The following METAP2 variants were observed in gnomAD, a reference collection of about 807,000 sequenced individuals.
METAP2 encodes the protein methionine aminopeptidase 2.
Under a neutral mutation model 59.4 loss-of-function variants are expected in METAP2, and 25 were observed. The observed-to-expected ratio is 0.42, with a 90% confidence interval of 0.31 to 0.59. The LOEUF (loss-of-function observed/expected upper bound fraction) is 0.59, where lower values mean the gene tolerates loss of function less well. Among genes scored for constraint, METAP2 ranks in the 20% least tolerant of loss-of-function variants. The pLI, the probability that METAP2 is intolerant of heterozygous loss-of-function variation, is 0.16. For missense variants in METAP2, 366 were observed against 581.2 expected (o/e 0.63, Z 3.81); for synonymous variants, 214 against 194.1 (o/e 1.10, Z -0.85).
At chr12:95,506,551 G>A (rs1484821736) in intron 8 of METAP2, among the ~76,000 whole-genome samples, 3 of 151,602 alleles carry the variant, frequency 2.0e-5, no homozygotes, top group African/African-American at 4.8e-5. Flanking sequence ...CGCCCGCCTC[G>A]GCTTCCCACA....
At chr12:95,484,995 T>G (rs1163575726) in intron 3 of METAP2, 1 of 411,522 alleles carries the variant, frequency 2.4e-6, no homozygotes, top group Non-Finnish European at 4.7e-6. Context: ...AATAATATAA[T>G]CATGGGCAGT....
intron 7 of METAP2, among the ~76,000 whole-genome samples, chr12:95,499,955 C>T (rs958388226): frequency 6.6e-6 from 1 of 152,156 alleles, no homozygotes; most frequent in African/African-American, 2.4e-5. Flanking sequence ...CATGGGGGAA[C>T]CACCCCCATG....
At chr12:95,497,104 C>G (rs1255186481) in intron 7 of METAP2, among the ~76,000 whole-genome samples, 1 of 152,080 alleles carries the variant, frequency 6.6e-6, no homozygotes, top group East Asian at 1.9e-4. Flanking sequence ...GGATTACAGG[C>G]GTGATTCACC....
At chr12:95,494,696 T>C (rs1157824204) in intron 5 of METAP2, among the ~76,000 whole-genome samples, 5 of 152,228 alleles carry the variant, frequency 3.3e-5, no homozygotes, top group African/African-American at 1.2e-4. Flanking sequence ...AGTTAGACTC[T>C]TATTTTCTAG....
rs200768781 is a variant in METAP2, at chr12:95,495,156, A to C, written c.772+18A>C. The C allele has an allele frequency of 1.3e-6, 2 of 1,583,684 alleles. No individual in the cohort carries two copies. The highest frequency in any genetic ancestry group is 1.1e-5 in the South Asian group (1 of 87,084). ...TATAAGTGGTAAATTCTTGCAGAAA[A>C]TTCCTACCCCAGCCTCCTCCTGAAA... On this transcript the variant is annotated intron_variant, in intron 6 of 10. Transcript: ENST00000323666.
In METAP2 at chr12:95,474,333, A is replaced by G; in HGVS notation, c.151+3A>G. The G allele has an allele frequency of 6.2e-7, 1 of 1,613,624 alleles. No homozygotes were observed. The highest frequency in any genetic ancestry group is 1.3e-5 in the African/African-American group (1 of 74,948). ...GAAGAGCAAAGGGCCTTCTGCAGGT[A>G]AAGAGAGTTTTATGTTTTCCCAGTC... is the stretch of plus-strand genomic sequence containing the variant. On this transcript the variant is annotated splice_donor_region_variant and intron_variant, in intron 1 of 10. Coordinates refer to ENST00000323666, the MANE Select transcript of METAP2 (RefSeq NM_006838.4).
chr12:95,500,150 A>AT, intron 7 of METAP2, among the ~76,000 whole-genome samples: 1 of 149,260 alleles, frequency 6.7e-6, no homozygotes. Flanking sequence ...TTAATTCCTA[A>AT]GTTTTTTTTT....
At chr12:95,493,073 G>T (rs566750354) in intron 4 of METAP2, among the ~76,000 whole-genome samples, 1 of 152,190 alleles carries the variant, frequency 6.6e-6, no homozygotes, top group African/African-American at 2.4e-5. Flanking sequence ...TGTATATTCA[G>T]TATTTAAGAA....
Position 95,494,976 on chromosome 12 carries a change from T to G in METAP2, c.610T>G (p.Ser204Ala), listed in dbSNP as rs1565780646. 1 of 1,613,260 alleles carries G rather than the reference T, an allele frequency of 6.2e-7. No homozygotes were observed. Among genetic ancestry groups the G allele is most frequent in the East Asian group, 2.2e-5 (1 of 44,860 alleles). The change falls in exon 6 of 11, where the codon TCA (serine) becomes GCA (alanine). Residue 204 changes from serine to alanine, a missense_variant. Physicochemically the swap from Ser to Ala is moderately conservative, Grantham distance 99. Transcript: ENST00000323666. ...IEICEKLEDC[S>A]RKLIKENGLN... ...TTTTAGTGAAAAGTTGGAAGACTGT[T>G]CACGCAAGTTAATAAAAGAGAATGG...
At chr12:95,475,260 G>A (rs2076109601) in intron 1 of METAP2, among the ~76,000 whole-genome samples, 1 of 152,236 alleles carries the variant, frequency 6.6e-6, no homozygotes, top group Non-Finnish European at 1.5e-5. Context: ...AGAGGTCGAA[G>A]AGAGCTAATC....
In METAP2 at chr12:95,496,747, A is replaced by AT. The variant is rs1027891469; in HGVS notation, c.867+663dup. ...GCCCAGCTTTTCCCCACCCACTCAA[A>AT]TTTTTTTTTTTTTTGGAGGGAGGTG... On this transcript the variant is annotated intron_variant, in intron 7 of 10. Transcript: ENST00000323666. Among the ~76,000 whole-genome samples, 616 of 135,332 alleles carry AT rather than the reference A, an allele frequency of 4.6e-3. 1 individual carries two copies. The highest frequency in any genetic ancestry group is 0.013 in the African/African-American group (464 of 36,616). 88.8% of individuals were successfully genotyped at this position (135,332 alleles called of 152,430 possible).
intron 8 of METAP2, among the ~76,000 whole-genome samples, chr12:95,509,304 G>C (rs988905212): frequency 6.6e-6 from 1 of 152,158 alleles, no homozygotes; most frequent in Non-Finnish European, 1.5e-5. Flanking sequence ...ACAAACAGAG[G>C]CTCTCTAAAA....
intron 2 of METAP2, among the ~76,000 whole-genome samples, chr12:95,480,488 TGGTTGAGAGTTTCA>T (rs1347542567): frequency 1.3e-5 from 2 of 152,204 alleles, no homozygotes; most frequent in East Asian, 3.8e-4. Flanking sequence ...CTCTTAGCAA[TGGTTGAGAGTTTCA>T]GGTTGTTCGT....
rs1381081407 is a variant in METAP2 at position 95,507,777 on chromosome 12, A to ATT, written c.964+3631_964+3632dup. On this transcript the variant is annotated intron_variant, in intron 8 of 10. Transcript: ENST00000323666. ...TAGATAACCTTCCATGATTCTCATG[A>ATT]TTTTTTTTTTTTTTTTGAGAGAGAC... is the stretch of plus-strand genomic sequence containing the variant. 9.6e-3 allele frequency among the ~76,000 whole-genome samples: 1,357 copies of ATT among 140,648 alleles called. 27 individuals carry two copies. Among genetic ancestry groups the ATT allele is most frequent in the African/African-American group, 0.032 (1,219 of 38,124 alleles). The allele number at this position is 140,648 out of a possible 152,430, so 92.3% of individuals were successfully genotyped here.
intron 2 of METAP2, among the ~76,000 whole-genome samples, chr12:95,482,722 G>A (rs1396456832): frequency 2.0e-5 from 3 of 152,260 alleles, no homozygotes; most frequent in Admixed American, 6.5e-5. Flanking sequence ...AACCTGGGAG[G>A]CGGAGGTTGC....
intron 1 of METAP2, among the ~76,000 whole-genome samples, chr12:95,475,712 ATCT>A (rs1214848517): frequency 4.6e-5 from 7 of 152,166 alleles, no homozygotes; most frequent in African/African-American, 1.4e-4. Flanking sequence ...TTGCACATGA[ATCT>A]TTTTCCTAAG....
intron 8 of METAP2, among the ~76,000 whole-genome samples, chr12:95,508,529 C>T (rs987876586): frequency 6.6e-6 from 1 of 152,208 alleles, no homozygotes; most frequent in Admixed American, 6.5e-5. Context: ...CTTATGTCAA[C>T]TTGGAGTACA....
intron 4 of METAP2, 150 bp from the exon 5 acceptor site, chr12:95,493,906 T>C (rs2076257564): frequency 1.6e-6 from 1 of 613,892 alleles, no homozygotes; most frequent in African/African-American, 1.9e-5. Context: ...GTTGCAAGTG[T>C]TTGGCTTTTT....
chr12:95,487,540 T>G (rs1473482746), intron 4 of METAP2, among the ~76,000 whole-genome samples: 2 of 152,022 alleles, frequency 1.3e-5, no homozygotes, highest in Non-Finnish European at 2.9e-5. Flanking sequence ...ATTAATAAAT[T>G]CTTATAGTAC....
Sources: allele counts gnomAD v4.1 joint callset (sites outside exome capture counted in the v4.1 genomes callset), GRCh38; gene constraint gnomAD v4.1.1; transcripts MANE v1.5; gene names NCBI Gene and HGNC (gene_info 2026-07-23, HGNC 2026-07-21).